Variants in RAPGEF4 observed in about 807,000 individuals in gnomAD.
RAPGEF4 encodes the protein RAP guanine-nucleotide-exchange factor (GEF) 4.
RAPGEF4 carries 66 observed loss-of-function variants against 147.9 expected under a neutral mutation model. The ratio of observed to expected loss-of-function variants is 0.45; its 90% CI spans 0.37 to 0.55. RAPGEF4 has a LOEUF of 0.55. RAPGEF4 is among the 20% of genes least tolerant of loss of function. RAPGEF4 has a pLI of 0.00. For synonymous variants in RAPGEF4, 419 were observed against 442.7 expected (o/e 0.95, Z 0.67); for missense variants, 1,071 against 1,257.3 (o/e 0.85, Z 2.24).
At chr2:172,849,555 A>G (rs1419770221) in intron 4 of RAPGEF4, among the ~76,000 whole-genome samples, 1 of 152,266 alleles carries the variant, frequency 6.6e-6, no homozygotes, top group Non-Finnish European at 1.5e-5. Flanking sequence ...TGAGAAAGTC[A>G]GGAAGATTGC....
intron 4 of RAPGEF4, 103 bp from the exon 5 acceptor site, chr2:172,917,699 G>T: frequency 3.1e-6 from 3 of 976,872 alleles, no homozygotes; most frequent in South Asian, 2.7e-5. Context: ...ACAAGGCTCA[G>T]ATGCTTCCTG....
chr2:173,025,985 G>A (rs760015187), intron 23 of RAPGEF4, among the ~76,000 whole-genome samples: 1 of 152,160 alleles, frequency 6.6e-6, no homozygotes, highest in Non-Finnish European at 1.5e-5. Context: ...ATAACCATGC[G>A]AATAACATCC....
intron 4 of RAPGEF4, among the ~76,000 whole-genome samples, chr2:172,880,054 A>G (rs1403701813): frequency 6.6e-6 from 1 of 152,200 alleles, no homozygotes; most frequent in Non-Finnish European, 1.5e-5. Flanking sequence ...TGAGGTGGCC[A>G]TCACAAACAG....
intron 6 of RAPGEF4, among the ~76,000 whole-genome samples, chr2:172,939,549 T>C (rs1410447032): frequency 6.6e-6 from 1 of 152,220 alleles, no homozygotes; most frequent in Non-Finnish European, 1.5e-5. Context: ...TTATCAGATA[T>C]GAGTTTTGCA....
At chr2:172,873,849 A>G (rs1299959303) in intron 4 of RAPGEF4, among the ~76,000 whole-genome samples, 1 of 152,248 alleles carries the variant, frequency 6.6e-6, no homozygotes, top group East Asian at 1.9e-4. Flanking sequence ...CCAAATTTAC[A>G]AGAAGAAAAC....
chr2:172,928,615 T>C (rs766152533), intron 6 of RAPGEF4, among the ~76,000 whole-genome samples: 10 of 152,212 alleles, frequency 6.6e-5, no homozygotes, highest in Non-Finnish European at 1.5e-4. Context: ...TGTTTTAATA[T>C]TCTATGTTTG....
chr2:173,036,923 G>T, intron 29 of RAPGEF4: 1 of 406,330 alleles, frequency 2.5e-6, no homozygotes, highest in East Asian at 3.7e-5. Flanking sequence ...TGGCTTTTAT[G>T]CCGTGTGTTT....
chr2:172,774,788 C>CAG (rs1438364732), intron 1 of RAPGEF4, among the ~76,000 whole-genome samples: 1 of 152,192 alleles, frequency 6.6e-6, no homozygotes. Context: ...TGTTTTAGGG[C>CAG]AGATTCAAGG....
intron 6 of RAPGEF4, among the ~76,000 whole-genome samples, chr2:172,954,185 T>C (rs1329609647): frequency 6.6e-6 from 1 of 152,172 alleles, no homozygotes; most frequent in Non-Finnish European, 1.5e-5. Flanking sequence ...AGTTTCTCAC[T>C]GTCAAGCTAA....
At chr2:172,915,575 T>C (rs1289912273) in intron 4 of RAPGEF4, among the ~76,000 whole-genome samples, 1 of 151,726 alleles carries the variant, frequency 6.6e-6, no homozygotes, top group Non-Finnish European at 1.5e-5. Flanking sequence ...GGTGTGTGTC[T>C]GTGGTCCTGT....
chr2:172,813,598 C>T (rs536626317), intron 3 of RAPGEF4, among the ~76,000 whole-genome samples: 1 of 129,206 alleles, frequency 7.7e-6, no homozygotes. Context: ...TGTGTAGATC[C>T]ACCACTCTGA....
At chr2:173,022,089 G>C (rs754024908) in intron 23 of RAPGEF4, among the ~76,000 whole-genome samples, 1 of 152,200 alleles carries the variant, frequency 6.6e-6, no homozygotes, top group African/African-American at 2.4e-5. Context: ...CTCCTGGAAA[G>C]GAAAGCCATA....
chr2:172,990,119 CT>C (rs1282800924), intron 14 of RAPGEF4, among the ~76,000 whole-genome samples: 2 of 151,698 alleles, frequency 1.3e-5, no homozygotes, highest in African/African-American at 4.8e-5. Flanking sequence ...TATCTGACCT[CT>C]TTTTAAATGA....
At chr2:172,999,411 CA>C (rs1203567884) in intron 16 of RAPGEF4, among the ~76,000 whole-genome samples, 11 of 152,104 alleles carry the variant, frequency 7.2e-5, no homozygotes, top group Admixed American at 7.2e-4. Context: ...AGACCTTTGG[CA>C]GTTATAGATT....
At chr2:173,024,703 A>G (rs1033529970) in intron 23 of RAPGEF4, among the ~76,000 whole-genome samples, 1 of 152,016 alleles carries the variant, frequency 6.6e-6, no homozygotes, top group African/African-American at 2.4e-5. Flanking sequence ...AATCAATCCA[A>G]GTCTACACAG....
At chr2:172,870,271 G>C (rs947597259) in intron 4 of RAPGEF4, among the ~76,000 whole-genome samples, 1 of 152,096 alleles carries the variant, frequency 6.6e-6, no homozygotes, top group Non-Finnish European at 1.5e-5. Flanking sequence ...ACGTATATAT[G>C]CATATGATCA....
intron 17 of RAPGEF4, among the ~76,000 whole-genome samples, chr2:173,011,318 G>A (rs1230006470): frequency 6.6e-6 from 1 of 152,060 alleles, no homozygotes; most frequent in African/African-American, 2.4e-5. Context: ...TTAGGATAGT[G>A]GGGGTGGGAA....
At chr2:173,050,331 T>C (rs936908912) in intron 30 of RAPGEF4, among the ~76,000 whole-genome samples, 4 of 152,246 alleles carry the variant, frequency 2.6e-5, no homozygotes, top group African/African-American at 9.6e-5. Context: ...CAATGTGCTC[T>C]GCAGTTCGCT....
chr2:172,837,956 C>T lies in RAPGEF4; in HGVS notation c.444+23531C>T, dbSNP rs1691145920. Among the ~76,000 whole-genome samples, 3 of 152,192 alleles carry T rather than the reference C, an allele frequency of 2.0e-5. No homozygotes were observed. The South Asian group carries it at 6.2e-4, about 32-fold the overall frequency. On this transcript the variant is annotated intron_variant, in intron 4 of 30. Coordinates refer to ENST00000397081, the MANE Select transcript of RAPGEF4 (RefSeq NM_007023.4). ...ACACTTAGGAAAAAATGGAAATCTA[C>T]AACCTTAAGTTAAATCCAACAAACA... is the stretch of plus-strand genomic sequence containing the variant.
Sources: allele counts gnomAD v4.1 joint callset (sites outside exome capture counted in the v4.1 genomes callset), GRCh38; gene constraint gnomAD v4.1.1; transcripts MANE v1.5; gene names NCBI Gene and HGNC (gene_info 2026-07-23, HGNC 2026-07-21).